METTL9: variants seen among roughly 807,000 people sequenced by gnomAD.
METTL9 encodes the protein protein-L-histidine N-pros-methyltransferase.
Under a neutral mutation model 36.0 loss-of-function variants are expected in METTL9, and 10 were observed. The observed-to-expected ratio is 0.28, with a 90% CI of 0.17 to 0.47. METTL9 has a LOEUF of 0.47. Among genes scored for constraint, METTL9 ranks in the 20% least tolerant of loss-of-function variants. METTL9 has a pLI of 0.99. For missense variants in METTL9, 246 were observed against 383.5 expected, an observed-to-expected ratio of 0.64 and a Z score of 3.00; for synonymous variants, 175 against 149.7, an observed-to-expected ratio of 1.17 and a Z score of -1.23.
At chr16:21,602,841 T>C (rs1297738519) in intron 1 of METTL9, among the ~76,000 whole-genome samples, 1 of 152,054 alleles carries the variant, frequency 6.6e-6, no homozygotes, top group East Asian at 1.9e-4. Flanking sequence ...TAGTTTTCAG[T>C]AGAGATGGGG....
chr16:21,652,325 A>G lies in METTL9; in HGVS notation c.752-2902A>G. On this transcript the variant is annotated intron_variant, in intron 4 of 4. Transcript: ENST00000358154. ...CTCCAATTAGCATAATAGCAAAGAGACTTTTCAAGGTTAATATGAAACTTT... is the reference window on the plus strand; with the variant it reads ...CTCCAATTAGCATAATAGCAAAGAGGCTTTTCAAGGTTAATATGAAACTTT... 6.5e-6 allele frequency: 3 copies of G among 461,134 alleles called. No individual in the cohort carries two copies. In the East Asian group the frequency reaches 1.0e-4, roughly 16 times the overall value. The allele number at this position is 461,134 out of a possible 1,614,324, so 28.6% of individuals were successfully genotyped here.
intron 3 of METTL9, among the ~76,000 whole-genome samples, chr16:21,622,520 A>G (rs1965729756): frequency 6.6e-6 from 1 of 152,198 alleles, no homozygotes; most frequent in African/African-American, 2.4e-5. Flanking sequence ...TCACTTGAAT[A>G]GATACCCTCA....
intron 4 of METTL9, among the ~76,000 whole-genome samples, chr16:21,633,696 C>T (rs1597771067): frequency 2.6e-5 from 4 of 152,280 alleles, no homozygotes; most frequent in Admixed American, 2.6e-4. Flanking sequence ...GCACTAGTCT[C>T]CACTGACCGT....
At chr16:21,641,516 T>C in intron 4 of METTL9, 2 of 1,518,216 alleles carry the variant, frequency 1.3e-6, no homozygotes, top group Non-Finnish European at 1.8e-6. Context: ...AGTGACTTCA[T>C]TGAAAATTAA....
chr16:21,599,327 A>G (rs780716836), upstream of METTL9: 42 of 892,094 alleles, frequency 4.7e-5, no homozygotes, highest in Non-Finnish European at 5.7e-5. This position sits in a 1 kb window ranked among gnomAD's most constrained non-coding sequence, Gnocchi z 4.4. Flanking sequence ...AGCCCTCAAA[A>G]AAATTAAAAC....
intron 3 of METTL9, among the ~76,000 whole-genome samples, chr16:21,621,149 AGTGTGTGT>A (rs112846012): frequency 6.9e-6 from 1 of 144,620 alleles, no homozygotes; most frequent in Non-Finnish European, 1.5e-5. Context: ...TGAGAGAGAG[AGTGTGTGT>A]GTGTGTGTGT....
chr16:21,599,318 G>C (rs1348991106), upstream of METTL9, among the ~76,000 whole-genome samples: 1 of 152,182 alleles, frequency 6.6e-6, no homozygotes, highest in Non-Finnish European at 1.5e-5. This position sits in a 1 kb window ranked among gnomAD's most constrained non-coding sequence, Gnocchi z 4.4. Context: ...GATCTCCTCA[G>C]CCCTCAAAAA....
At chr16:21,642,927 G>A (rs1966312505) in intron 4 of METTL9, 1 of 558,542 alleles carries the variant, frequency 1.8e-6, no homozygotes, top group Admixed American at 3.1e-5. Flanking sequence ...ATTAAAACAG[G>A]TTCTATATAA....
In METTL9 at chr16:21,643,659, A is replaced by G. The variant is rs904346881; in HGVS notation, c.752-11568A>G. On this transcript the variant is annotated intron_variant, in intron 4 of 4. Coordinates refer to ENST00000358154, the MANE Select transcript of METTL9 (RefSeq NM_016025.5). Reference sequence around the variant, plus strand: ...TATGTACTCATAACAATGGTGGCAGATATCTCATGCCCTAATAAGATTAAA... The same window carrying G: ...TATGTACTCATAACAATGGTGGCAGGTATCTCATGCCCTAATAAGATTAAA... The G allele has an allele frequency of 1.5e-5, 16 of 1,072,480 alleles. No homozygotes were observed. In the African/African-American group the frequency reaches 2.4e-4, roughly 16 times the overall value. 66.4% of individuals were successfully genotyped at this position (1,072,480 alleles called of 1,614,324 possible).
intron 4 of METTL9, chr16:21,647,514 T>C (rs1239689005): frequency 2.2e-5 from 35 of 1,587,414 alleles, no homozygotes; most frequent in Non-Finnish European, 3.0e-5. Flanking sequence ...AGCAGATGAG[T>C]GGGTTAATGG....
intron 4 of METTL9, chr16:21,647,054 C>T (rs914684538): frequency 3.2e-5 from 51 of 1,583,070 alleles, no homozygotes; most frequent in Non-Finnish European, 3.6e-5. Context: ...CTCCTGATTT[C>T]TACATGTGAG....
At chr16:21,635,410 C>T (rs921822515) in intron 4 of METTL9, among the ~76,000 whole-genome samples, 10 of 151,966 alleles carry the variant, frequency 6.6e-5, no homozygotes, top group African/African-American at 2.2e-4. Flanking sequence ...TATAGGGAGG[C>T]TAGGATATGG....
intron 4 of METTL9, among the ~76,000 whole-genome samples, chr16:21,637,023 A>C (rs1476416654): frequency 6.6e-6 from 1 of 152,118 alleles, no homozygotes; most frequent in Non-Finnish European, 1.5e-5. Flanking sequence ...AGTGAGTATT[A>C]CAGCTCTTAA....
chr16:21,644,441 A>G (rs117679296), intron 4 of METTL9: 10 of 1,308,850 alleles, frequency 7.6e-6, no homozygotes, highest in African/African-American at 4.3e-5. Flanking sequence ...ATTAAAGCCT[A>G]TTCTTTCAAA....
chr16:21,644,479 C>T (rs988670237), intron 4 of METTL9: 11 of 957,236 alleles, frequency 1.1e-5, no homozygotes, highest in African/African-American at 6.5e-5. Flanking sequence ...CTTCACACTG[C>T]GTTTTAGAGG....
chr16:21,599,401 G>A (rs1288071130), upstream of METTL9: 1 of 1,082,500 alleles, frequency 9.2e-7, no homozygotes, highest in African/African-American at 1.7e-5. The surrounding 1 kb of genome is among the most constrained non-coding windows in gnomAD (Gnocchi z 4.4). Context: ...CCGGGCGGAT[G>A]CGCGCTCCCT....
chr16:21,617,047 C>T (rs1255862813), intron 2 of METTL9, among the ~76,000 whole-genome samples: 1 of 152,158 alleles, frequency 6.6e-6, no homozygotes, highest in East Asian at 1.9e-4. Flanking sequence ...GCATTATTTG[C>T]AACTCCAAAG....
At chr16:21,614,692 A>G (rs1965510599) in intron 2 of METTL9, among the ~76,000 whole-genome samples, 1 of 152,188 alleles carries the variant, frequency 6.6e-6, no homozygotes, top group Non-Finnish European at 1.5e-5. Context: ...GTATTACCTT[A>G]GGATACTTAT....
intron 4 of METTL9, among the ~76,000 whole-genome samples, chr16:21,628,012 G>A (rs1463143587): frequency 6.6e-6 from 1 of 152,042 alleles, no homozygotes; most frequent in Non-Finnish European, 1.5e-5. Flanking sequence ...TCTTGTTCAG[G>A]TTTCTTGAAT....
Sources: allele counts gnomAD v4.1 joint callset (sites outside exome capture counted in the v4.1 genomes callset), GRCh38; gene constraint gnomAD v4.1.1; non-coding constraint Gnocchi (gnomAD v3.1); transcripts MANE v1.5; gene names NCBI Gene and HGNC (gene_info 2026-07-23, HGNC 2026-07-21).